The following DCC variants were observed in gnomAD, a reference collection of about 807,000 sequenced individuals.
DCC encodes netrin receptor DCC.
DCC carries 58 observed loss-of-function variants against 172.5 expected under a neutral mutation model. The ratio of observed to expected loss-of-function variants is 0.34; its 90% confidence interval spans 0.27 to 0.42. The LOEUF (loss-of-function observed/expected upper bound fraction) is 0.42. DCC is among the 10% of genes least tolerant of loss of function. The probability of loss-of-function intolerance (pLI) is 1.00; values close to 1 mark genes in which losing one functional copy is unlikely to be tolerated. For synonymous variants in DCC, 709 were observed against 644.5 expected (o/e 1.10, Z -1.52); for missense variants, 1,740 against 1,791.0 (o/e 0.97, Z 0.51).
At chr18:53,527,368 A>C (rs2046470618) in intron 28 of DCC, among the ~76,000 whole-genome samples, 2 of 151,972 alleles carry the variant, frequency 1.3e-5, no homozygotes, top group South Asian at 4.1e-4. Flanking sequence ...ATAGGTGCAC[A>C]TTACTACACC....
At chr18:52,848,040 C>T (rs1233435556) in intron 2 of DCC, among the ~76,000 whole-genome samples, 3 of 150,214 alleles carry the variant, frequency 2.0e-5, no homozygotes, top group African/African-American at 7.3e-5. Flanking sequence ...TTCTGTACTT[C>T]AGAGGAAAAA....
At chr18:53,104,543 A>G (rs921307389) in intron 7 of DCC, among the ~76,000 whole-genome samples, 1 of 151,946 alleles carries the variant, frequency 6.6e-6, no homozygotes, top group African/African-American at 2.4e-5. Context: ...TCTTCTTCTC[A>G]GTCTCAGGTT....
intron 27 of DCC, among the ~76,000 whole-genome samples, chr18:53,517,642 G>A (rs979583891): frequency 4.6e-5 from 7 of 151,956 alleles, no homozygotes; most frequent in Non-Finnish European, 8.8e-5. Context: ...TTCTTACAAT[G>A]GGAGGAGGAG....
chr18:53,300,237 C>G (rs2057116454), intron 12 of DCC, among the ~76,000 whole-genome samples: 1 of 152,118 alleles, frequency 6.6e-6, no homozygotes, highest in African/African-American at 2.4e-5. Context: ...ATTTGCAACT[C>G]AAATCAATAC....
Position 53,305,003 on chromosome 18 carries a change from C to T in DCC, c.1912-575C>T, listed in dbSNP as rs149471128. Among the ~76,000 whole-genome samples, 1,172 of 152,230 alleles carry T rather than the reference C, an allele frequency of 7.7e-3. 8 individuals carry two copies. The highest frequency in any genetic ancestry group is 0.038 in the Middle Eastern group (11 of 292). ...TTCTCATGATAGTAAATAAGTCTCA[C>T]GAGATCTGATAGTTTTATAAAGGGG... is the stretch of plus-strand genomic sequence containing the variant. On this transcript the variant is annotated intron_variant, in intron 12 of 28. Transcript: ENST00000442544.
At chr18:52,397,883 C>T (rs896779108) in intron 1 of DCC, among the ~76,000 whole-genome samples, 9 of 152,054 alleles carry the variant, frequency 5.9e-5, no homozygotes, top group South Asian at 2.1e-4. Context: ...GTGCTGGCCA[C>T]GGAATATCTG....
chr18:52,608,504 A>G (rs1046238990), intron 1 of DCC, among the ~76,000 whole-genome samples: 1 of 152,138 alleles, frequency 6.6e-6, no homozygotes, highest in Non-Finnish European at 1.5e-5. Flanking sequence ...AAACGAGAGG[A>G]GGGGACCTCT....
rs1004184152 is a variant in DCC, at chr18:53,383,456, G to A, written c.2360-2587G>A. Among the ~76,000 whole-genome samples, 6 of 150,066 alleles carry A rather than the reference G, an allele frequency of 4.0e-5. No homozygotes were observed. In the South Asian group the frequency reaches 1.1e-3, roughly 27 times the overall value. Reference sequence around the variant, plus strand: ...TGCAGATTATCCTTATCTCTGGTCTGAGGGAGTCTCTTCAAATTGACTACT... The same window carrying A: ...TGCAGATTATCCTTATCTCTGGTCTAAGGGAGTCTCTTCAAATTGACTACT... On this transcript the variant is annotated intron_variant, in intron 15 of 28. Coordinates refer to ENST00000442544, the MANE Select transcript of DCC (RefSeq NM_005215.4).
intron 5 of DCC, among the ~76,000 whole-genome samples, chr18:53,012,248 G>C (rs976396466): frequency 6.6e-6 from 1 of 151,874 alleles, no homozygotes; most frequent in Non-Finnish European, 1.5e-5. Flanking sequence ...GTATTCATAG[G>C]AGCTTTATTC....
chr18:52,860,710 G>A (rs888439741), intron 2 of DCC, among the ~76,000 whole-genome samples: 2 of 152,192 alleles, frequency 1.3e-5, no homozygotes, highest in African/African-American at 4.8e-5. Flanking sequence ...TTAAAAGTTG[G>A]CTTTGCTAGC....
intron 2 of DCC, among the ~76,000 whole-genome samples, chr18:52,795,594 T>C (rs533257613): frequency 2.5e-4 from 38 of 152,028 alleles, no homozygotes; most frequent in Middle Eastern, 6.8e-3. Flanking sequence ...TTTCATTTAG[T>C]CTGTTTTTAG....
At chr18:53,108,181 A>AC (rs2043278245) in intron 7 of DCC, among the ~76,000 whole-genome samples, 6 of 4,678 alleles carry the variant, frequency 1.3e-3, no homozygotes, top group South Asian at 0.025. Flanking sequence ...ATACACAGAA[A>AC]AACACACACA....
chr18:53,316,478 T>TC (rs937700917), intron 13 of DCC, among the ~76,000 whole-genome samples: 43 of 152,214 alleles, frequency 2.8e-4, no homozygotes, highest in African/African-American at 1.0e-3. Context: ...AGTTTTTTTT[T>TC]TTCTAATTCT....
At chr18:53,285,843 A>G (rs1419879618) in intron 12 of DCC, among the ~76,000 whole-genome samples, 2 of 152,240 alleles carry the variant, frequency 1.3e-5, no homozygotes, top group East Asian at 1.9e-4. Context: ...TTGCATCAGC[A>G]TGACCTGTAT....
Position 53,391,651 on chromosome 18 carries a change from C to A in DCC, c.2456-4C>A. 1 of 1,605,042 alleles carries A rather than the reference C, an allele frequency of 6.2e-7. No individual in the cohort carries two copies. The stretch of plus-strand genomic sequence containing the variant: ...TGTTTCATTTGGTGGGTTTTTAAAC[C>A]CAGATCCCACTGACCCAGTTGATTA... On this transcript the variant is annotated splice_polypyrimidine_tract_variant and splice_region_variant and intron_variant, in intron 16 of 28. Coordinates refer to ENST00000442544, the MANE Select transcript of DCC (RefSeq NM_005215.4).
intron 1 of DCC, among the ~76,000 whole-genome samples, chr18:52,441,475 T>A (rs1987967279): frequency 6.6e-6 from 1 of 152,198 alleles, no homozygotes; most frequent in South Asian, 2.1e-4. Context: ...CTGAAGTACA[T>A]TATTGTTTTA....
At chr18:53,323,663 TTGGTTGGA>T (rs374366146) in intron 14 of DCC, among the ~76,000 whole-genome samples, 1 of 151,756 alleles carries the variant, frequency 6.6e-6, no homozygotes, top group Non-Finnish European at 1.5e-5. Flanking sequence ...TGGTGGTTGG[TTGGTTGGA>T]TGGTTGGATG....
chr18:53,500,105 AG>A (rs1727907542), intron 27 of DCC, among the ~76,000 whole-genome samples: 1 of 152,200 alleles, frequency 6.6e-6, no homozygotes, highest in Admixed American at 6.5e-5. Context: ...TAAGAAAATA[AG>A]ATGGCAGGGA....
chr18:52,885,866 C>CAGGTG (rs2039562719), intron 2 of DCC, among the ~76,000 whole-genome samples: 1 of 152,040 alleles, frequency 6.6e-6, no homozygotes, highest in South Asian at 2.1e-4. Context: ...CTTTAGTCAG[C>CAGGTG]AGGTGATGAG....
Sources: allele counts gnomAD v4.1 joint callset (sites outside exome capture counted in the v4.1 genomes callset), GRCh38; gene constraint gnomAD v4.1.1; transcripts MANE v1.5; gene names NCBI Gene and HGNC (gene_info 2026-07-23, HGNC 2026-07-21).